Variants in ZNF423 observed in about 807,000 individuals in gnomAD.
The protein encoded by ZNF423 is Ebf-associated zinc finger protein.
ZNF423 carries 12 observed loss-of-function variants against 95.8 expected under a neutral mutation model. That is an observed-to-expected ratio of 0.13 (90% CI 0.08 to 0.20). The LOEUF (loss-of-function observed/expected upper bound fraction) is 0.20, where lower values mean the gene tolerates loss of function less well. Ranked by LOEUF, ZNF423 falls within the 10% of genes least tolerant of loss-of-function variation. The pLI, the probability that ZNF423 is intolerant of heterozygous loss-of-function variation, is 1.00. For missense variants in ZNF423, 1,316 were observed against 1,737.1 expected, an observed-to-expected ratio of 0.76 and a Z score of 4.31; for synonymous variants, 749 against 711.9, an observed-to-expected ratio of 1.05 and a Z score of -0.83.
chr16:49,591,812 G>C (rs993127689), intron 5 of ZNF423, among the ~76,000 whole-genome samples: 1 of 152,200 alleles, frequency 6.6e-6, no homozygotes, highest in African/African-American at 2.4e-5. Flanking sequence ...ATGCAAAAGA[G>C]TAGGCAGTGA....
intron 3 of ZNF423, among the ~76,000 whole-genome samples, chr16:49,677,541 A>G (rs1013569265): frequency 6.6e-6 from 1 of 152,150 alleles, no homozygotes; most frequent in Non-Finnish European, 1.5e-5. Flanking sequence ...CTATAATCTC[A>G]GCACTTTGGG....
intron 1 of ZNF423, among the ~76,000 whole-genome samples, chr16:49,849,376 C>CA (rs904008354): frequency 4.0e-5 from 6 of 151,758 alleles, no homozygotes; most frequent in South Asian, 2.1e-4. Context: ...GTAGTCTCCA[C>CA]AAAAAAAAGA....
At chr16:49,669,260 C>T (rs1313979992) in intron 3 of ZNF423, among the ~76,000 whole-genome samples, 4 of 150,610 alleles carry the variant, frequency 2.7e-5, no homozygotes, top group African/African-American at 7.3e-5. Context: ...ACTCGGGAGG[C>T]GGAGGTTGCA....
intron 3 of ZNF423, among the ~76,000 whole-genome samples, chr16:49,645,043 G>T (rs554448614): frequency 1.4e-4 from 21 of 152,134 alleles, no homozygotes; most frequent in Non-Finnish European, 2.1e-4. Flanking sequence ...CAACCATCAA[G>T]ACCATCTTCA....
At chr16:49,687,467 C>T (rs1339751565) in intron 3 of ZNF423, among the ~76,000 whole-genome samples, 1 of 152,126 alleles carries the variant, frequency 6.6e-6, no homozygotes. Context: ...TGATTATGCC[C>T]GCGTTTAAAA....
chr16:49,514,228 G>A (rs1029467051), intron 7 of ZNF423, among the ~76,000 whole-genome samples: 10 of 141,788 alleles, frequency 7.1e-5, no homozygotes, highest in Admixed American at 2.8e-4. Context: ...ACGCACATGC[G>A]TACACACACA....
chr16:49,753,756 C>T (rs1175813846), intron 2 of ZNF423, among the ~76,000 whole-genome samples: 2 of 152,156 alleles, frequency 1.3e-5, no homozygotes, highest in Non-Finnish European at 2.9e-5. Flanking sequence ...TTTGGCTGGG[C>T]ATGGTGGTTC....
At chr16:49,798,787 C>T (rs1290149800) in intron 1 of ZNF423, among the ~76,000 whole-genome samples, 3 of 152,176 alleles carry the variant, frequency 2.0e-5, no homozygotes, top group Admixed American at 6.5e-5. Flanking sequence ...GAAGCTGCCA[C>T]GCTACTACAG....
In ZNF423 at chr16:49,638,218, C is replaced by T. The variant is rs759728592; in HGVS notation, c.958G>A (p.Ala320Thr). Reference sequence around the variant, plus strand: ...TTGGCGTGGGCTTGGTGGATATGGGCGAGCAGTGTGTTCTCGTCGACGAAG... The same window carrying T: ...TTGGCGTGGGCTTGGTGGATATGGGTGAGCAGTGTGTTCTCGTCGACGAAG... ...EVFVDENTLL[A>T]HIHQAHANQK... The change falls in exon 4 of 8, where the codon GCC becomes ACC. Residue 320 changes from alanine (A) to threonine (T), a missense_variant. Transcript: ENST00000563137. The surrounding 1 kb of genome is among the most constrained non-coding windows in gnomAD (Gnocchi z 5.6). The T allele has an allele frequency of 1.4e-5, 22 of 1,608,384 alleles. No homozygotes were observed. Among genetic ancestry groups the T allele is most frequent in the African/African-American group, 4.0e-5 (3 of 74,916 alleles).
intron 7 of ZNF423, among the ~76,000 whole-genome samples, chr16:49,520,152 A>G (rs886574294): frequency 1.3e-5 from 2 of 152,126 alleles, no homozygotes; most frequent in African/African-American, 2.4e-5. Flanking sequence ...GTATTTCTTC[A>G]TCTTTTCACC....
At chr16:49,590,381 C>G (rs1328023082) in intron 5 of ZNF423, among the ~76,000 whole-genome samples, 1 of 152,110 alleles carries the variant, frequency 6.6e-6, no homozygotes, top group Non-Finnish European at 1.5e-5. Flanking sequence ...AGCACTCACA[C>G]CGGCCACGTT....
intron 1 of ZNF423, among the ~76,000 whole-genome samples, chr16:49,821,934 T>C (rs1227556728): frequency 1.3e-5 from 2 of 152,144 alleles, no homozygotes; most frequent in Admixed American, 1.3e-4. Context: ...GGGGGATGCA[T>C]TCAATGCCTC....
At chr16:49,801,830 G>A (rs1259342982) in intron 1 of ZNF423, among the ~76,000 whole-genome samples, 2 of 152,100 alleles carry the variant, frequency 1.3e-5, no homozygotes, top group African/African-American at 2.4e-5. Context: ...ATGGAGCTAG[G>A]ATGGGGTATA....
At chr16:49,725,042 G>C (rs888451004) in intron 3 of ZNF423, among the ~76,000 whole-genome samples, 2 of 152,146 alleles carry the variant, frequency 1.3e-5, no homozygotes, top group Non-Finnish European at 2.9e-5. Context: ...TGCCTTTACT[G>C]ACACGATCTG....
At chr16:49,725,337 G>T (rs1021361319) in intron 3 of ZNF423, among the ~76,000 whole-genome samples, 2 of 152,046 alleles carry the variant, frequency 1.3e-5, no homozygotes, top group African/African-American at 4.8e-5. Flanking sequence ...AGCTACAAAT[G>T]GCACCACTGC....
At chr16:49,586,169 G>T (rs1970825281) in intron 5 of ZNF423, among the ~76,000 whole-genome samples, 1 of 152,154 alleles carries the variant, frequency 6.6e-6, no homozygotes, top group African/African-American at 2.4e-5. Flanking sequence ...TATTACATAA[G>T]AATTTCCGAG....
intron 3 of ZNF423, among the ~76,000 whole-genome samples, chr16:49,661,911 C>T (rs2030250430): frequency 6.6e-6 from 1 of 152,336 alleles, no homozygotes; most frequent in Middle Eastern, 3.4e-3. Context: ...GGCAGAATCC[C>T]TTCTGCCTCC....
At chr16:49,695,484 G>A (rs546741500) in intron 3 of ZNF423, among the ~76,000 whole-genome samples, 2 of 152,314 alleles carry the variant, frequency 1.3e-5, no homozygotes, top group South Asian at 2.1e-4. Flanking sequence ...GTAGAGATGG[G>A]GTTTCTCCAT....
upstream of ZNF423, among the ~76,000 whole-genome samples, chr16:49,856,640 T>C (rs1695508297): frequency 1.3e-5 from 2 of 150,562 alleles, no homozygotes; most frequent in South Asian, 4.2e-4. Context: ...CGCCCCCTTC[T>C]CTGGCTCTCG....
Sources: gnomAD v4.1 joint callset for allele counts (sites outside exome capture counted in the v4.1 genomes callset) on GRCh38, gnomAD v4.1.1 for gene constraint, Gnocchi (gnomAD v3.1) non-coding constraint, MANE v1.5 for transcripts, NCBI Gene and HGNC (gene_info 2026-07-23, HGNC 2026-07-21) for gene names.